Variants in FAM193A observed in about 807,000 individuals in gnomAD.
FAM193A encodes the protein family with sequence similarity 193 member A, also known as protein FAM193A.
In FAM193A, 22 loss-of-function variants were observed where a neutral mutation model predicts 126.5. The observed-to-expected ratio is 0.17, with a 90% CI of 0.12 to 0.25. FAM193A has a LOEUF of 0.25. Ranked by LOEUF, FAM193A falls within the 10% of genes least tolerant of loss-of-function variation. The pLI is 1.00. For missense variants in FAM193A, 1,675 were observed against 1,672.8 expected, an observed-to-expected ratio of 1.00 and a Z score of -0.02; for synonymous variants, 761 against 646.8, an observed-to-expected ratio of 1.18 and a Z score of -2.68.
chr4:2,704,630 C>T (rs902315022), intron 19 of FAM193A, among the ~76,000 whole-genome samples: 1 of 152,200 alleles, frequency 6.6e-6, no homozygotes, highest in South Asian at 2.1e-4. Context: ...CTAGCTACGT[C>T]CAAGTTCTCC....
chr4:2,626,601 T>C (rs1457642990), intron 4 of FAM193A, 24 bp downstream of exon 4: 2 of 679,456 alleles, frequency 2.9e-6, no homozygotes, highest in Non-Finnish European at 2.7e-6. Context: ...TTTCCTGTTG[T>C]GGCCCCATGC....
At chr4:2,584,933 A>G (rs1432554343) in intron 1 of FAM193A, among the ~76,000 whole-genome samples, 1 of 148,690 alleles carries the variant, frequency 6.7e-6, no homozygotes, top group African/African-American at 2.5e-5. Flanking sequence ...CAAAAAAAGG[A>G]AAAAAAAAAC....
chr4:2,708,325 A>G (rs1249526139), intron 19 of FAM193A: 7 of 281,282 alleles, frequency 2.5e-5, no homozygotes, highest in South Asian at 5.3e-5. Flanking sequence ...GAGTTTCACC[A>G]TGTTGGTCAA....
At chr4:2,617,239 A>ATTTTATATATATATATATATATT (rs1370769214) in intron 2 of FAM193A, among the ~76,000 whole-genome samples, 1 of 41,374 alleles carries the variant, frequency 2.4e-5, no homozygotes, top group African/African-American at 2.2e-4. Context: ...GTATGTTTTT[A>ATTTTATATATATATATATATATT]TTATATATAT....
At chr4:2,657,762 A>C (rs562276556) in intron 7 of FAM193A, 41 bp from the exon 8 acceptor site, 2 of 1,363,900 alleles carry the variant, frequency 1.5e-6, no homozygotes, top group East Asian at 2.3e-5. Flanking sequence ...GCAGGTATTA[A>C]AGTTTTTCTT....
chr4:2,729,034 C>T (rs935644096), intron 20 of FAM193A, among the ~76,000 whole-genome samples: 16 of 151,628 alleles, frequency 1.1e-4, no homozygotes, highest in Non-Finnish European at 1.3e-4. Context: ...GGAGGGCCTC[C>T]TCCATCCACC....
At chr4:2,603,517 T>C (rs1350601164) in intron 2 of FAM193A, among the ~76,000 whole-genome samples, 1 of 131,966 alleles carries the variant, frequency 7.6e-6, no homozygotes, top group East Asian at 2.4e-4. Flanking sequence ...AGTGCAGTGG[T>C]GCGATCTCGG....
rs528682688 is a variant in FAM193A, at chr4:2,594,105, A to G, written c.256-1979A>G. On this transcript the variant is annotated intron_variant, in intron 1 of 20. Transcript: ENST00000637812. Reference sequence around the variant, plus strand: ...GTAACAGGAGTCAGCAGTTTTGATCACTGGTTCATGGAAACATGTGAGAAT... The same window carrying G: ...GTAACAGGAGTCAGCAGTTTTGATCGCTGGTTCATGGAAACATGTGAGAAT... Among the ~76,000 whole-genome samples the G allele has an allele frequency of 2.6e-5, 4 of 152,032 alleles. No homozygotes were observed. The East Asian group carries it at 7.7e-4, about 29-fold the overall frequency.
chr4:2,599,180 ACT>A (rs1184516616), intron 2 of FAM193A, among the ~76,000 whole-genome samples: 5 of 149,392 alleles, frequency 3.3e-5, no homozygotes, highest in Admixed American at 3.3e-4. Context: ...CACACTTGAC[ACT>A]CTCAACCTTT....
chr4:2,542,918 T>C (rs1468933426), intron 1 of FAM193A, among the ~76,000 whole-genome samples: 1 of 152,102 alleles, frequency 6.6e-6, no homozygotes, highest in African/African-American at 2.4e-5. Flanking sequence ...TGTTTCTGCA[T>C]GTGGGTAGCT....
At chr4:2,571,422 T>A (rs1479612076) in intron 1 of FAM193A, among the ~76,000 whole-genome samples, 2 of 152,122 alleles carry the variant, frequency 1.3e-5, no homozygotes, top group East Asian at 3.8e-4. Context: ...GTATAAAAAA[T>A]TTAGATTTGT....
At chr4:2,638,906 G>A (rs1210751299) in intron 5 of FAM193A, among the ~76,000 whole-genome samples, 1 of 152,206 alleles carries the variant, frequency 6.6e-6, no homozygotes, top group Non-Finnish European at 1.5e-5. Flanking sequence ...GAGACGTGGA[G>A]TAGCCAAGCA....
At chr4:2,662,109 G>A in intron 10 of FAM193A, among the ~76,000 whole-genome samples, 1 of 152,096 alleles carries the variant, frequency 6.6e-6, no homozygotes, top group East Asian at 1.9e-4. Context: ...CGTGAACCTG[G>A]GGGGTGGAGC....
At chr4:2,714,846 T>C (rs1378972156) in intron 19 of FAM193A, among the ~76,000 whole-genome samples, 1 of 152,174 alleles carries the variant, frequency 6.6e-6, no homozygotes, top group Non-Finnish European at 1.5e-5. Context: ...CAAAGAAATG[T>C]CAGTGGCTCC....
chr4:2,618,096 C>T (rs988627534), intron 2 of FAM193A, among the ~76,000 whole-genome samples: 2 of 152,146 alleles, frequency 1.3e-5, no homozygotes, highest in Non-Finnish European at 2.9e-5. Context: ...ATGAGAAACA[C>T]GTTGTCGTCC....
At chr4:2,696,912 C>T (rs1311564927) in intron 18 of FAM193A, among the ~76,000 whole-genome samples, 1 of 152,120 alleles carries the variant, frequency 6.6e-6, no homozygotes, top group African/African-American at 2.4e-5. Flanking sequence ...AGAAAGGAGC[C>T]GTCAACTGTA....
chr4:2,665,693 A>G (rs547586391), intron 12 of FAM193A, among the ~76,000 whole-genome samples: 1 of 151,640 alleles, frequency 6.6e-6, no homozygotes, highest in Admixed American at 6.6e-5. Flanking sequence ...GCCCAGCTTT[A>G]AAAAAAAACT....
At chr4:2,687,805 G>A (rs1013590699) in intron 13 of FAM193A, among the ~76,000 whole-genome samples, 2 of 152,160 alleles carry the variant, frequency 1.3e-5, no homozygotes, top group African/African-American at 4.8e-5. Flanking sequence ...TGACTCCCCA[G>A]CCCCTTCAGA....
chr4:2,589,586 A>G (rs1487172953), intron 1 of FAM193A, among the ~76,000 whole-genome samples: 1 of 152,244 alleles, frequency 6.6e-6, no homozygotes, highest in Admixed American at 6.5e-5. Flanking sequence ...GAAATTATTT[A>G]TCACAGAGCC....
Sources: allele counts gnomAD v4.1 joint callset (sites outside exome capture counted in the v4.1 genomes callset), GRCh38; gene constraint gnomAD v4.1.1; transcripts MANE v1.5; gene names NCBI Gene and HGNC (gene_info 2026-07-23, HGNC 2026-07-21).